RIMS2: variants seen among roughly 807,000 people sequenced by gnomAD.
RIMS2 encodes the protein regulating synaptic membrane exocytosis 2.
In RIMS2, 59 loss-of-function variants were observed where a neutral mutation model predicts 174.4. The ratio of observed to expected loss-of-function variants is 0.34; its 90% CI spans 0.27 to 0.42. RIMS2 has a LOEUF of 0.42. Among genes scored for constraint, RIMS2 ranks in the 10% least tolerant of loss-of-function variants. The pLI is 1.00. For missense variants in RIMS2, 1,620 were observed against 1,666.3 expected, an observed-to-expected ratio of 0.97 and a Z score of 0.48; for synonymous variants, 606 against 572.5, an observed-to-expected ratio of 1.06 and a Z score of -0.84.
At chr8:103,555,800 CAAAA>C (rs35932194) in intron 1 of RIMS2, among the ~76,000 whole-genome samples, 1 of 135,504 alleles carries the variant, frequency 7.4e-6, no homozygotes, top group Non-Finnish European at 1.6e-5. Flanking sequence ...CTCTCTCTCT[CAAAA>C]AAAAAAAAAA....
intron 3 of RIMS2, among the ~76,000 whole-genome samples, chr8:103,825,147 A>G (rs1359001960): frequency 6.6e-6 from 1 of 152,162 alleles, no homozygotes; most frequent in Non-Finnish European, 1.5e-5. Flanking sequence ...CTCAGCCTCC[A>G]GAACCAACTG....
intron 1 of RIMS2, among the ~76,000 whole-genome samples, chr8:103,573,523 G>T (rs2132454110): frequency 6.6e-6 from 1 of 152,222 alleles, no homozygotes; most frequent in Admixed American, 6.6e-5. Context: ...AGATCATTTT[G>T]TTGTAGGTGT....
At chr8:103,636,036 C>A (rs1489695899) in intron 1 of RIMS2, among the ~76,000 whole-genome samples, 1 of 152,128 alleles carries the variant, frequency 6.6e-6, no homozygotes, top group Admixed American at 6.5e-5. Flanking sequence ...GCTGGTGGAT[C>A]CCTTCTACTC....
chr8:103,588,713 A>C (rs2094101722), intron 1 of RIMS2, among the ~76,000 whole-genome samples: 1 of 152,000 alleles, frequency 6.6e-6, no homozygotes, highest in African/African-American at 2.4e-5. Context: ...CATATGCAGA[A>C]GAATAAAACT....
chr8:103,815,802 A>G (rs1010833350), intron 3 of RIMS2, among the ~76,000 whole-genome samples: 2 of 152,206 alleles, frequency 1.3e-5, no homozygotes, highest in African/African-American at 4.8e-5. Context: ...AATAGTTCAT[A>G]CTGAGTTTAC....
chr8:103,504,842 C>T (rs929919582), intron 1 of RIMS2, among the ~76,000 whole-genome samples: 62 of 103,612 alleles, frequency 6.0e-4, no homozygotes, highest in East Asian at 2.0e-3. Context: ...TCTTTTCTTT[C>T]TTTCTTTTTT....
At chr8:103,996,351 G>A (rs1009087365) in intron 17 of RIMS2, among the ~76,000 whole-genome samples, 2 of 151,926 alleles carry the variant, frequency 1.3e-5, no homozygotes, top group African/African-American at 4.8e-5. Flanking sequence ...AATAGGCAAA[G>A]GGTATTGTTC....
At chr8:103,768,824 C>A in intron 3 of RIMS2, 1 of 642,680 alleles carries the variant, frequency 1.6e-6, no homozygotes. Context: ...CTTATTACTC[C>A]ATGTGTCCTG....
intron 3 of RIMS2, among the ~76,000 whole-genome samples, chr8:103,810,787 A>T (rs2098681891): frequency 1.3e-5 from 2 of 152,144 alleles, no homozygotes; most frequent in South Asian, 4.1e-4. Flanking sequence ...GGGAGAAAAG[A>T]TCCCTCACCG....
At chr8:104,054,509 A>T (rs1232597391) in intron 19 of RIMS2, among the ~76,000 whole-genome samples, 2 of 152,168 alleles carry the variant, frequency 1.3e-5, no homozygotes, top group African/African-American at 4.8e-5. Flanking sequence ...TATAAAAAAA[A>T]TTTAGCGAAA....
In RIMS2 at chr8:104,149,022, G is replaced by C. The variant is rs1162405663; in HGVS notation, c.3335-95894G>C. Among the ~76,000 whole-genome samples the C allele has an allele frequency of 5.9e-5, 9 of 152,248 alleles. No individual in the cohort carries two copies. In the East Asian group the frequency reaches 1.5e-3, roughly 26 times the overall value. On this transcript the variant is annotated intron_variant, in intron 19 of 23. Coordinates refer to ENST00000504942, the Ensembl canonical transcript of RIMS2. The stretch of plus-strand genomic sequence containing the variant: ...AATCAACAATGATGTTTTTTCCAGT[G>C]ATCAATGAGCCTGCTTCCAAGTGAA...
intron 12 of RIMS2, among the ~76,000 whole-genome samples, chr8:103,934,227 T>A (rs756630864): frequency 5.3e-5 from 8 of 152,102 alleles, no homozygotes; most frequent in East Asian, 1.9e-4. Context: ...TTTTATTTTT[T>A]AAAAAAAAGT....
chr8:104,064,739 T>C (rs1333262733), intron 19 of RIMS2, among the ~76,000 whole-genome samples: 1 of 152,038 alleles, frequency 6.6e-6, no homozygotes, highest in Non-Finnish European at 1.5e-5. Context: ...ACATTATACA[T>C]TAACAGATTA....
intron 1 of RIMS2, among the ~76,000 whole-genome samples, chr8:103,519,278 A>C (rs11776670): frequency 0.18 from 27,652 of 151,994 alleles, 2,758 homozygotes; most frequent in African/African-American, 0.26. Context: ...AATTCAGACA[A>C]CATTAAAGAC....
At chr8:103,733,875 T>C (rs1026445232) in intron 2 of RIMS2, among the ~76,000 whole-genome samples, 6 of 152,310 alleles carry the variant, frequency 3.9e-5, no homozygotes, top group South Asian at 2.1e-4. Flanking sequence ...TTAAACCAGA[T>C]ACTGTGATTG....
At chr8:103,521,544 G>C (rs1831692757) in intron 1 of RIMS2, among the ~76,000 whole-genome samples, 2 of 151,902 alleles carry the variant, frequency 1.3e-5, no homozygotes, top group Admixed American at 1.3e-4. Context: ...TCTGTCACAT[G>C]CTTGCCATAT....
intron 19 of RIMS2, among the ~76,000 whole-genome samples, chr8:104,224,131 C>G (rs1324561557): frequency 6.6e-6 from 1 of 152,220 alleles, no homozygotes; most frequent in Non-Finnish European, 1.5e-5. Flanking sequence ...CTTCGCAGTC[C>G]GGGTATTAGC....
chr8:103,585,436 T>C (rs575256696), intron 1 of RIMS2, among the ~76,000 whole-genome samples: 1 of 152,182 alleles, frequency 6.6e-6, no homozygotes, highest in Non-Finnish European at 1.5e-5. Context: ...TGCACACATA[T>C]GTTTATTGCG....
intron 2 of RIMS2, among the ~76,000 whole-genome samples, chr8:103,739,434 C>T (rs1429170570): frequency 7.9e-5 from 12 of 152,048 alleles, no homozygotes; most frequent in African/African-American, 2.2e-4. Flanking sequence ...ATGTAAATGA[C>T]GAGTTAATGG....
Sources: allele counts gnomAD v4.1 joint callset (sites outside exome capture counted in the v4.1 genomes callset), GRCh38; gene constraint gnomAD v4.1.1; transcripts MANE v1.5; gene names NCBI Gene and HGNC (gene_info 2026-07-23, HGNC 2026-07-21).